The following TRDN variants were observed in gnomAD, a reference collection of about 807,000 sequenced individuals.
TRDN encodes triadin.
Under a neutral mutation model 149.7 loss-of-function variants are expected in TRDN, and 161 were observed. The observed-to-expected ratio is 1.08, with a 90% CI of 0.95 to 1.23. The LOEUF is 1.23. Ranked by LOEUF, TRDN falls within the 50% of genes most tolerant of loss-of-function variation. The pLI is 0.00. For synonymous variants in TRDN, 294 were observed against 250.5 expected, an observed-to-expected ratio of 1.17 and a Z score of -1.64; for missense variants, 896 against 823.5, an observed-to-expected ratio of 1.09 and a Z score of -1.08.
intron 38 of TRDN, among the ~76,000 whole-genome samples, chr6:123,237,303 G>T (rs1775822850): frequency 6.6e-6 from 1 of 151,976 alleles, no homozygotes; most frequent in Non-Finnish European, 1.5e-5. Flanking sequence ...AGGCTGGAGT[G>T]CAGTGGCACA....
chr6:123,374,804 C>CA (rs1031752820), intron 19 of TRDN, among the ~76,000 whole-genome samples: 20 of 150,954 alleles, frequency 1.3e-4, no homozygotes, highest in East Asian at 1.9e-4. Flanking sequence ...AAAAAACAAA[C>CA]AAAAAAAAAC....
chr6:123,570,459 TTGTC>T (rs1485012675), intron 2 of TRDN, among the ~76,000 whole-genome samples: 1 of 152,158 alleles, frequency 6.6e-6, no homozygotes. Context: ...AGCAAAGAGT[TTGTC>T]TGGCAAGGAC....
rs559741628 is a variant in TRDN, at chr6:123,506,340, A to G, written c.611-2439T>C. ...ATCTCCCATGTTACAGCACTTTTCC[A>G]AAAATTTATTCCTCTACTGGACTGC... On this transcript the variant is annotated intron_variant, in intron 7 of 40. Coordinates refer to ENST00000334268, the MANE Select transcript of TRDN (RefSeq NM_006073.4). 2.0e-5 allele frequency among the ~76,000 whole-genome samples: 3 copies of G among 152,286 alleles called. No individual in the cohort carries two copies. The South Asian group carries it at 6.2e-4, about 32-fold the overall frequency.
At chr6:123,594,995 A>G (rs920303237) in intron 1 of TRDN, among the ~76,000 whole-genome samples, 1 of 152,078 alleles carries the variant, frequency 6.6e-6, no homozygotes, top group African/African-American at 2.4e-5. Flanking sequence ...AATAGCGTTA[A>G]GTTGTGCCAT....
At chr6:123,284,777 C>A (rs1345871850) in intron 24 of TRDN, among the ~76,000 whole-genome samples, 1 of 151,876 alleles carries the variant, frequency 6.6e-6, no homozygotes, top group African/African-American at 2.4e-5. Flanking sequence ...TAGACTTCTC[C>A]CAAAAGCCCC....
intron 38 of TRDN, among the ~76,000 whole-genome samples, chr6:123,243,383 T>C (rs1445046480): frequency 6.6e-6 from 1 of 151,856 alleles, no homozygotes; most frequent in Non-Finnish European, 1.5e-5. Context: ...AACAAGAAAA[T>C]ATGATACCTA....
In TRDN at chr6:123,361,518, TA is replaced by T. The variant is rs372902948; in HGVS notation, c.1321+4616del. ...ATGTACCCCAGAACTTAAAGTATAA[TA>T]AAAAAAAAGAGAGAGAGAGAGATGG... On this transcript the variant is annotated intron_variant, in intron 20 of 40. Transcript: ENST00000334268. Among the ~76,000 whole-genome samples, 470 of 148,168 alleles carry T rather than the reference TA, an allele frequency of 3.2e-3. 12 individuals are homozygous for T. The East Asian group carries it at 0.075, about 24-fold the overall frequency.
In TRDN at chr6:123,451,472, C is replaced by G. The variant is rs118098607; in HGVS notation, c.932-12469G>C. 5.9e-5 allele frequency among the ~76,000 whole-genome samples: 9 copies of G among 152,196 alleles called. No individual in the cohort carries two copies. In the East Asian group the frequency reaches 1.7e-3, roughly 29 times the overall value. On this transcript the variant is annotated intron_variant, in intron 10 of 40. Coordinates refer to ENST00000334268, the MANE Select transcript of TRDN (RefSeq NM_006073.4). ...AGATCACTCAAGGCTATTATGAACA[C>G]CTTTACCCACATAAACTAAAAACCT...
intron 16 of TRDN, 42 bp downstream of exon 16, chr6:123,381,328 T>TAAAAAA (rs768229404): frequency 3.2e-6 from 4 of 1,232,516 alleles, no homozygotes; most frequent in Non-Finnish European, 4.4e-6. Flanking sequence ...ATAATAGTAG[T>TAAAAAA]AAAAAAAAAA....
intron 38 of TRDN, among the ~76,000 whole-genome samples, chr6:123,239,688 C>G (rs1466812035): frequency 6.6e-6 from 1 of 151,886 alleles, no homozygotes; most frequent in Admixed American, 6.6e-5. Flanking sequence ...ATTAAATATG[C>G]TTAACATTGA....
intron 24 of TRDN, among the ~76,000 whole-genome samples, chr6:123,315,556 G>A (rs1353460452): frequency 6.6e-6 from 1 of 151,856 alleles, no homozygotes; most frequent in Non-Finnish European, 1.5e-5. Flanking sequence ...TAAAATTTGT[G>A]CAAATGAATA....
In TRDN at chr6:123,629,037, C is replaced by T. The variant is rs116278544; in HGVS notation, c.22+7717G>A. Among the ~76,000 whole-genome samples the T allele has an allele frequency of 4.7e-3, 713 of 152,160 alleles. 6 individuals carry two copies. The highest frequency in any genetic ancestry group is 0.016 in the African/African-American group (674 of 41,540). ...GTAGTAACTTTCAGATTTTACAGTA[C>T]GCTTTTTCCCCTAGTCAATAATATA... On this transcript the variant is annotated intron_variant, in intron 1 of 40. Transcript: ENST00000334268.
chr6:123,526,660 A>G (rs1779966994), intron 5 of TRDN, among the ~76,000 whole-genome samples: 1 of 152,082 alleles, frequency 6.6e-6, no homozygotes, highest in African/African-American at 2.4e-5. Context: ...AATTATATAC[A>G]GTATTTCATC....
chr6:123,224,041 C>T (rs1775263401), intron 39 of TRDN, 52 bp downstream of exon 39: 4 of 1,539,742 alleles, frequency 2.6e-6, no homozygotes, highest in Non-Finnish European at 3.5e-6. Context: ...CAGACAAAAA[C>T]CTTATAGCTT....
chr6:123,379,042 A>G (rs1256489947), intron 16 of TRDN, among the ~76,000 whole-genome samples: 1 of 152,214 alleles, frequency 6.6e-6, no homozygotes, highest in Non-Finnish European at 1.5e-5. Context: ...AATGTAAAAG[A>G]AGATTTTCAA....
At chr6:123,553,310 A>G (rs1356285189) in intron 2 of TRDN, among the ~76,000 whole-genome samples, 7 of 152,076 alleles carry the variant, frequency 4.6e-5, no homozygotes, top group Admixed American at 6.6e-5. Flanking sequence ...TCAAACCCAA[A>G]TGATTAACCC....
At chr6:123,352,996 G>A (rs1780524519) in intron 20 of TRDN, among the ~76,000 whole-genome samples, 1 of 151,764 alleles carries the variant, frequency 6.6e-6, no homozygotes, top group South Asian at 2.1e-4. Context: ...TGAAACAATA[G>A]TGTAGTCATG....
chr6:123,231,217 A>C (rs1362025831), intron 38 of TRDN, among the ~76,000 whole-genome samples: 1 of 152,020 alleles, frequency 6.6e-6, no homozygotes, highest in Non-Finnish European at 1.5e-5. Flanking sequence ...GTAATTTACA[A>C]ACCCATATAG....
intron 12 of TRDN, among the ~76,000 whole-genome samples, chr6:123,427,758 A>G (rs190630828): frequency 1.1e-4 from 16 of 152,274 alleles, no homozygotes; most frequent in Admixed American, 1.0e-3. Flanking sequence ...TCTCCTGAAT[A>G]TAATCTGGTT....
Sources: allele counts gnomAD v4.1 joint callset (sites outside exome capture counted in the v4.1 genomes callset), GRCh38; gene constraint gnomAD v4.1.1; transcripts MANE v1.5; gene names NCBI Gene and HGNC (gene_info 2026-07-23, HGNC 2026-07-21).